SYNJ1: variants seen among roughly 807,000 people sequenced by gnomAD.
The protein encoded by SYNJ1 is polyphosphatidylinositol phosphatase SYNJ1.
Under a neutral mutation model 168.2 loss-of-function variants are expected in SYNJ1, and 78 were observed. The observed-to-expected ratio is 0.46, with a 90% confidence interval of 0.39 to 0.56. The LOEUF is 0.56. SYNJ1 is among the 20% of genes least tolerant of loss of function. The pLI is 0.00. For synonymous variants in SYNJ1, 539 were observed against 548.6 expected (o/e 0.98, Z 0.24); for missense variants, 1,303 against 1,597.6 (o/e 0.82, Z 3.14).
At position 32,663,124 on chromosome 21, in the gene SYNJ1, G is replaced by A. The variant is rs1199177619; in HGVS notation, c.2304+1789C>T. Among the ~76,000 whole-genome samples the A allele has an allele frequency of 2.0e-5, 3 of 152,188 alleles. No homozygotes were observed. In the East Asian group the frequency reaches 5.8e-4, roughly 29 times the overall value. On this transcript the variant is annotated intron_variant, in intron 18 of 32. Transcript: ENST00000674351. ...TGTTGCTTCACATTATGTATGTGGA[G>A]GAACTGTAATGGGAGATCAATGGCC... is the stretch of plus-strand genomic sequence containing the variant.
Position 32,643,447 on chromosome 21 carries a change from G to A in SYNJ1, c.3441C>T (p.Ala1147=). 6.2e-7 allele frequency: 1 copy of A among 1,613,620 alleles called. No homozygotes were observed. The highest frequency in any genetic ancestry group is 8.5e-7 in the Non-Finnish European group (1 of 1,179,748). ...TCCTAGCTACCCCAGGACTGGGAGG[G>A]GCTCCAATACCTTTTTAGAGAAAGA... The part of the protein sequence containing the change: ...PTRKEFGGIG[A]PPSPGVARRE... The change falls in exon 27 of 33, where the codon GCC becomes GCT. Residue 1147 remains alanine (A), a synonymous_variant. Coordinates refer to ENST00000674351, the MANE Select transcript of SYNJ1 (RefSeq NM_203446.3).
At chr21:32,638,449 C>A (rs935122647) in intron 31 of SYNJ1, among the ~76,000 whole-genome samples, 1 of 152,190 alleles carries the variant, frequency 6.6e-6, no homozygotes, top group Non-Finnish European at 1.5e-5. Context: ...GTAATCCCAG[C>A]ACTTTGGGAG....
rs2041139568 is a variant in SYNJ1, at chr21:32,670,381, A to C, written c.1727-9T>G. On this transcript the variant is annotated splice_polypyrimidine_tract_variant and intron_variant, in intron 14 of 32. Coordinates refer to ENST00000674351, the MANE Select transcript of SYNJ1 (RefSeq NM_203446.3). ...TGGCTTACTTCTTTTATCTAAAATT[A>C]AGCATCCAAGAAATACTTTTAAATA... 6.2e-7 allele frequency: 1 copy of C among 1,605,512 alleles called. No homozygotes were observed. The highest frequency in any genetic ancestry group is 8.5e-7 in the Non-Finnish European group (1 of 1,173,440).
intron 26 of SYNJ1, 89 bp downstream of exon 26, chr21:32,644,879 G>T: frequency 1.4e-6 from 2 of 1,386,640 alleles, no homozygotes; most frequent in South Asian, 2.6e-5. Flanking sequence ...CATTCATTTT[G>T]ACTTTTATCA....
chr21:32,637,178 C>T (rs1228421901), intron 31 of SYNJ1, among the ~76,000 whole-genome samples: 2 of 151,980 alleles, frequency 1.3e-5, no homozygotes, highest in Non-Finnish European at 2.9e-5. Context: ...AATTATGGCA[C>T]GCAACTACAA....
At position 32,656,912 on chromosome 21, in the gene SYNJ1, T is replaced by C; in HGVS notation, c.2580-10A>G. ...CAGGGCAACGACAGGCCTTAAGGCA[T>C]AAAGGAAGATAGATGTATTAGAAAT... On this transcript the variant is annotated splice_polypyrimidine_tract_variant and intron_variant, in intron 20 of 32. Transcript: ENST00000674351. The C allele has an allele frequency of 6.2e-7, 1 of 1,612,876 alleles. No homozygotes were observed. Among genetic ancestry groups the C allele is most frequent in the East Asian group, 2.2e-5 (1 of 44,868 alleles).
At chr21:32,704,537 A>G (rs984354258) in intron 2 of SYNJ1, among the ~76,000 whole-genome samples, 2 of 152,166 alleles carry the variant, frequency 1.3e-5, no homozygotes, top group Non-Finnish European at 2.9e-5. Context: ...GGCAGGGGAA[A>G]AGGGCGTCCA....
chr21:32,719,429 G>A (rs763174719), intron 2 of SYNJ1, among the ~76,000 whole-genome samples: 65 of 152,314 alleles, frequency 4.3e-4, no homozygotes, highest in Non-Finnish European at 8.1e-4. Context: ...GAAAAGCTAT[G>A]CAGGCTGGGA....
At chr21:32,710,494 A>G (rs1316416956) in intron 2 of SYNJ1, among the ~76,000 whole-genome samples, 1 of 152,148 alleles carries the variant, frequency 6.6e-6, no homozygotes, top group Non-Finnish European at 1.5e-5. Context: ...CTAGACCAGG[A>G]GTGCATTAGC....
At chr21:32,651,752 C>T (rs1269886594) in intron 22 of SYNJ1, among the ~76,000 whole-genome samples, 1 of 152,052 alleles carries the variant, frequency 6.6e-6, no homozygotes, top group Non-Finnish European at 1.5e-5. Flanking sequence ...TAGAGGTTCA[C>T]TGGAATATTG....
chr21:32,639,191 G>A (rs1459080812), intron 30 of SYNJ1, 66 bp from the exon 31 acceptor site: 7 of 1,446,312 alleles, frequency 4.8e-6, no homozygotes, highest in Non-Finnish European at 5.6e-6. Flanking sequence ...TCCTTCTTTA[G>A]TGAAATGTTA....
chr21:32,727,027 G>A (rs2043487746), intron 1 of SYNJ1, 110 bp from the exon 2 acceptor site: 2 of 1,454,682 alleles, frequency 1.4e-6, no homozygotes, highest in Admixed American at 2.4e-5. Flanking sequence ...GGGGGTTGGG[G>A]TGGGAAAAAA....
At chr21:32,687,323 G>A (rs565226898) in intron 7 of SYNJ1, among the ~76,000 whole-genome samples, 10 of 152,278 alleles carry the variant, frequency 6.6e-5, no homozygotes, top group Admixed American at 2.6e-4. Context: ...TCCAGCTTCT[G>A]CCCACTCTGT....
Position 32,719,157 on chromosome 21 carries a change from C to T in SYNJ1, c.124+7615G>A, listed in dbSNP as rs187165559. ...ATCTCCTGAACTGTGTGCTCAGATG[C>T]CCCACGGCACTACAGCAAACTCCCA... On this transcript the variant is annotated intron_variant, in intron 2 of 32. Coordinates refer to ENST00000674351, the MANE Select transcript of SYNJ1 (RefSeq NM_203446.3). Among the ~76,000 whole-genome samples the T allele has an allele frequency of 3.3e-5, 5 of 152,328 alleles. No homozygotes were observed. In the East Asian group the frequency reaches 7.7e-4, roughly 24 times the overall value.
chr21:32,695,356 T>C, intron 4 of SYNJ1, 74 bp from the exon 5 acceptor site: 1 of 1,332,726 alleles, frequency 7.5e-7, no homozygotes, highest in Non-Finnish European at 1.0e-6. Flanking sequence ...AATAATCTCC[T>C]GGAAAATTAA....
chr21:32,646,349 T>C lies in SYNJ1; in HGVS notation c.3247+44A>G, dbSNP rs372677818. On this transcript the variant is annotated intron_variant, in intron 24 of 32. Coordinates refer to ENST00000674351, the MANE Select transcript of SYNJ1 (RefSeq NM_203446.3). Reference sequence around the variant, plus strand: ...CGATGACTCTCCAACATCAAGCACATTGGCCACAGGAAGCCATACAAAACT... The same window carrying C: ...CGATGACTCTCCAACATCAAGCACACTGGCCACAGGAAGCCATACAAAACT... 45 of 1,577,586 alleles carry C rather than the reference T, an allele frequency of 2.9e-5. No homozygotes were observed. The African/African-American group carries it at 5.3e-4, about 18-fold the overall frequency.
intron 6 of SYNJ1, 93 bp from the exon 7 acceptor site, chr21:32,688,460 G>C: frequency 9.8e-7 from 1 of 1,020,588 alleles, no homozygotes; most frequent in Non-Finnish European, 1.4e-6. Context: ...TTTCTTTGCT[G>C]AACACACAGT....
At chr21:32,639,595 A>T in intron 30 of SYNJ1, 76 bp downstream of exon 30, 1 of 1,175,806 alleles carries the variant, frequency 8.5e-7, no homozygotes, top group Non-Finnish European at 1.2e-6. Context: ...GGCGGGTCTC[A>T]CTATGTTGCC....
In SYNJ1 at chr21:32,668,009, ATGTGTGTGTGTGTG is replaced by A. The variant is rs3056370; in HGVS notation, c.1812-1450_1812-1437del. On this transcript the variant is annotated intron_variant, in intron 15 of 32. Coordinates refer to ENST00000674351, the MANE Select transcript of SYNJ1 (RefSeq NM_203446.3). ...ACTACTTTATTAAAGAAGAATATAT[ATGTGTGTGTGTGTG>A]TGTGTGTGTGTGTGTGTGTGTGTGT... Among the ~76,000 whole-genome samples, 17 of 144,002 alleles carry A rather than the reference ATGTGTGTGTGTGTG, an allele frequency of 1.2e-4. 1 individual carries two copies. The highest frequency in any genetic ancestry group is 2.6e-4 in the African/African-American group (10 of 38,866). The allele number at this position is 144,002 out of a possible 152,430, so 94.5% of individuals were successfully genotyped here. A position where few individuals can be genotyped will look rare whatever the true frequency, so the allele number is the denominator to read the frequency against.
Sources: gnomAD v4.1 joint callset for allele counts (sites outside exome capture counted in the v4.1 genomes callset) on GRCh38, gnomAD v4.1.1 for gene constraint, MANE v1.5 for transcripts, NCBI Gene and HGNC (gene_info 2026-07-23, HGNC 2026-07-21) for gene names.